KDM5B: variants seen among roughly 807,000 people sequenced by gnomAD.
KDM5B encodes lysine-specific demethylase 5B.
KDM5B carries 144 observed loss-of-function variants against 193.4 expected under a neutral mutation model. The observed-to-expected ratio is 0.74, with a 90% CI of 0.65 to 0.86. The LOEUF is 0.86. Among genes scored for constraint, KDM5B ranks in the 40% least tolerant of loss-of-function variants. The probability of loss-of-function intolerance (pLI) is 0.00; values close to 1 mark genes in which losing one functional copy is unlikely to be tolerated. For missense variants in KDM5B, 1,833 were observed against 1,886.9 expected, an observed-to-expected ratio of 0.97 and a Z score of 0.53; for synonymous variants, 668 against 682.6, an observed-to-expected ratio of 0.98 and a Z score of 0.33.
At chr1:202,792,811 T>C (rs897967866) in intron 1 of KDM5B, among the ~76,000 whole-genome samples, 5 of 151,904 alleles carry the variant, frequency 3.3e-5, no homozygotes, top group Non-Finnish European at 5.9e-5. Context: ...CTGGCCAACA[T>C]GGTGAAACCC....
At chr1:202,756,296 T>A in intron 10 of KDM5B, 62 bp downstream of exon 10, 2 of 1,405,258 alleles carry the variant, frequency 1.4e-6, no homozygotes. Flanking sequence ...CATAAGTTAC[T>A]TCAAGCCAAC....
At chr1:202,797,977 G>C (rs1657917871) in intron 1 of KDM5B, among the ~76,000 whole-genome samples, 1 of 152,238 alleles carries the variant, frequency 6.6e-6, no homozygotes, top group South Asian at 2.1e-4. Context: ...GACTGCTTGA[G>C]CTCAGGAGTT....
In KDM5B at chr1:202,727,609, G is replaced by C. The variant is rs932597180; in HGVS notation, c.*1427C>G. 6.6e-6 allele frequency: 1 copy of C among 152,660 alleles called. No homozygotes were observed. The highest frequency in any genetic ancestry group is 6.5e-5 in the Admixed American group (1 of 15,276). 9.5% of individuals were successfully genotyped at this position (152,660 alleles called of 1,614,324 possible). A position where few individuals can be genotyped will look rare whatever the true frequency, so the allele number is the denominator to read the frequency against. On this transcript the variant is annotated 3_prime_UTR_variant, in exon 27 of 27. Transcript: ENST00000367265. ...AAGGTAAGCAAAAGTCTGGTCACCAGAATGTCTTCTCCACTGCAGAACAGA... is the reference window on the plus strand; with the variant it reads ...AAGGTAAGCAAAAGTCTGGTCACCACAATGTCTTCTCCACTGCAGAACAGA...
rs749608987 is a variant in KDM5B, at chr1:202,808,130, G to A, written c.176C>T (p.Thr59Ile). 5 of 1,612,252 alleles carry A rather than the reference G, an allele frequency of 3.1e-6. No individual in the cohort carries two copies. In the Admixed American group the frequency reaches 6.7e-5, roughly 22 times the overall value. ...IHKIRPIAEQ[T>I]GICKVRPPPD... ...CGGCGGCCGCACCTTACAGATGCCAGTCTGCTCGGCTATGGGCCGGATCTT... is the reference window on the plus strand; with the variant it reads ...CGGCGGCCGCACCTTACAGATGCCAATCTGCTCGGCTATGGGCCGGATCTT... Residue 59 changes from threonine (T) to isoleucine (I), a missense_variant, in exon 1 of 27, where the codon ACT (threonine) becomes ATT (isoleucine). Physicochemically the swap from Thr to Ile is moderately conservative, Grantham distance 89. Around this residue, in one of 3 missense-constraint regions of KDM5B, gnomAD observed 355 missense variants for 374.9 expected, o/e 0.95. Coordinates refer to ENST00000367265, the MANE Select transcript of KDM5B (RefSeq NM_006618.5).
chr1:202,779,784 C>A (rs533823968), intron 1 of KDM5B, among the ~76,000 whole-genome samples: 2 of 149,926 alleles, frequency 1.3e-5, no homozygotes, highest in East Asian at 3.9e-4. Context: ...GCCTGGGCGA[C>A]AGAGTCAGAC....
chr1:202,758,705 T>C lies in KDM5B; in HGVS notation c.1078-195A>G, dbSNP rs143687258. On this transcript the variant is annotated intron_variant, in intron 8 of 26. Coordinates refer to ENST00000367265, the MANE Select transcript of KDM5B (RefSeq NM_006618.5). ...GCAAGTGAAATACATTTTATTTATT[T>C]GCTAATGAGCAAATAAAATGTCAAT... 4.5e-3 allele frequency among the ~76,000 whole-genome samples: 692 copies of C among 152,370 alleles called. 6 individuals are homozygous for C. Among genetic ancestry groups the C allele is most frequent in the African/African-American group, 0.016 (658 of 41,582 alleles).
Position 202,736,251 on chromosome 1 carries a change from T to C in KDM5B, c.3226A>G (p.Thr1076Ala). Reference protein sequence around the residue: ...VQAWKECAVNTFLTENSPYSL... With the variant: ...VQAWKECAVNAFLTENSPYSL... The stretch of plus-strand genomic sequence containing the variant: ...TATGGAGAATTCTCAGTCAAGAATG[T>C]ATTAACAGCACATTCTTTCCAAGCC... The change falls in exon 21 of 27, where the codon ACA becomes GCA. Residue 1076 changes from threonine to alanine, a missense_variant. Thr to Ala is a moderately conservative substitution (Grantham distance 58). Transcript: ENST00000367265. The C allele has an allele frequency of 6.2e-7, 1 of 1,604,240 alleles. No individual in the cohort carries two copies. Among genetic ancestry groups the C allele is most frequent in the Non-Finnish European group, 8.5e-7 (1 of 1,175,306 alleles).
At position 202,741,377 on chromosome 1, in the gene KDM5B, G is replaced by A; in HGVS notation, c.2935C>T (p.Leu979Phe). 6.5e-7 allele frequency: 1 copy of A among 1,539,492 alleles called. No homozygotes were observed. The highest frequency in any genetic ancestry group is 1.3e-5 in the South Asian group (1 of 78,374). Residue 979 changes from leucine to phenylalanine, a missense_variant, in exon 19 of 27, where the codon CTC becomes TTC. Physicochemically the swap from Leu to Phe is conservative, Grantham distance 22 (BLOSUM62 0). Transcript: ENST00000367265. ...AGTCTGCTTTTTCACCTGGCCTTGA[G>A]GAGACTCTTGGCTTTGTCGTCCCAG... ...EHWDDKAKSL[L>F]KARPRHSLNS...
At chr1:202,743,136 A>C (rs1045558644) in intron 16 of KDM5B, among the ~76,000 whole-genome samples, 6 of 152,136 alleles carry the variant, frequency 3.9e-5, no homozygotes, top group African/African-American at 1.4e-4. Flanking sequence ...CAGGAGTTTA[A>C]CACCAGCCTG....
intron 1 of KDM5B, among the ~76,000 whole-genome samples, chr1:202,780,250 C>T (rs1397078558): frequency 3.3e-5 from 5 of 152,106 alleles, no homozygotes; most frequent in African/African-American, 1.2e-4. Flanking sequence ...GCACAGTCTT[C>T]ACTCACTGCA....
intron 4 of KDM5B, among the ~76,000 whole-genome samples, chr1:202,771,670 C>A (rs1374940176): frequency 6.6e-6 from 1 of 152,274 alleles, no homozygotes; most frequent in Admixed American, 6.5e-5. Context: ...CAACCTCTGC[C>A]TCCTGGGTTC....
chr1:202,735,991 T>C lies in KDM5B; in HGVS notation c.3264+222A>G, dbSNP rs558785639. 1.1e-3 allele frequency among the ~76,000 whole-genome samples: 162 copies of C among 152,310 alleles called. 1 individual carries two copies. The highest frequency in any genetic ancestry group is 1.9e-3 in the Non-Finnish European group (130 of 68,018). On this transcript the variant is annotated intron_variant, in intron 21 of 26. Coordinates refer to ENST00000367265, the MANE Select transcript of KDM5B (RefSeq NM_006618.5). ...TTCAACACAGAGGAATTTCACCCAATAGGAAAAAATTTTCTTCTTTAGATA... is the reference window on the plus strand; with the variant it reads ...TTCAACACAGAGGAATTTCACCCAACAGGAAAAAATTTTCTTCTTTAGATA...
intron 4 of KDM5B, among the ~76,000 whole-genome samples, chr1:202,771,183 T>A (rs1656696380): frequency 6.6e-6 from 1 of 152,122 alleles, no homozygotes; most frequent in Non-Finnish European, 1.5e-5. Flanking sequence ...GGCAAAAAGG[T>A]TCCACATTCA....
chr1:202,738,720 C>A (rs1463987755), intron 20 of KDM5B, among the ~76,000 whole-genome samples: 1 of 151,852 alleles, frequency 6.6e-6, no homozygotes, highest in Non-Finnish European at 1.5e-5. Context: ...GTCAGTAACA[C>A]CTATTGGTTT....
At chr1:202,731,788 C>T (rs772945248) in intron 24 of KDM5B, 40 bp downstream of exon 24, 2 of 1,322,644 alleles carry the variant, frequency 1.5e-6, no homozygotes, top group Non-Finnish European at 2.2e-6. Context: ...CAAGATCACT[C>T]ATTACTATCC....
intron 14 of KDM5B, chr1:202,746,545 T>C: frequency 2.3e-6 from 1 of 434,332 alleles, no homozygotes; most frequent in East Asian, 3.4e-5. Flanking sequence ...AGGCAGGTCC[T>C]TATGTTTGGT....
chr1:202,741,159 A>AT (rs1558484942), intron 19 of KDM5B, among the ~76,000 whole-genome samples: 1 of 152,206 alleles, frequency 6.6e-6, no homozygotes, highest in African/African-American at 2.4e-5. Flanking sequence ...TGAATTATTC[A>AT]TTTTTAATCA....
intron 1 of KDM5B, among the ~76,000 whole-genome samples, chr1:202,804,800 G>A (rs930367137): frequency 6.6e-6 from 1 of 150,704 alleles, no homozygotes; most frequent in African/African-American, 2.4e-5. Flanking sequence ...ACCTGAGGTC[G>A]GGAGGCAGAG....
rs770893565 is a variant in KDM5B at position 202,742,644 on chromosome 1, G to GA, written c.2474+10dup. 1 of 1,613,470 alleles carries GA rather than the reference G, an allele frequency of 6.2e-7. No homozygotes were observed. The highest frequency in any genetic ancestry group is 8.5e-7 in the Non-Finnish European group (1 of 1,179,592). On this transcript the variant is annotated intron_variant, in intron 17 of 26. Transcript: ENST00000367265. ...CAAAGAATCCAAACTCACGCAGTCA[G>GA]AAGCGCATACCTAGTTTGCCTTTTG...
Sources: allele counts gnomAD v4.1 joint callset (sites outside exome capture counted in the v4.1 genomes callset), GRCh38; gene constraint gnomAD v4.1.1; regional missense constraint gnomAD v4.1.1; transcripts MANE v1.5; gene names NCBI Gene and HGNC (gene_info 2026-07-23, HGNC 2026-07-21).